The following GRID2 variants were observed in gnomAD, a reference collection of about 807,000 sequenced individuals.
GRID2 encodes the protein glutamate receptor ionotropic, delta-2.
A neutral mutation model predicts 114.8 loss-of-function variants in GRID2; 33 were observed. The ratio of observed to expected loss-of-function variants is 0.29; its 90% CI spans 0.22 to 0.38. GRID2 has a LOEUF of 0.38. Among genes scored for constraint, GRID2 ranks in the 10% least tolerant of loss-of-function variants. GRID2 has a pLI of 1.00. For synonymous variants in GRID2, 505 were observed against 449.9 expected, an observed-to-expected ratio of 1.12 and a Z score of -1.55; for missense variants, 1,184 against 1,257.7, an observed-to-expected ratio of 0.94 and a Z score of 0.89.
intron 14 of GRID2, among the ~76,000 whole-genome samples, chr4:93,679,151 T>C (rs1725240281): frequency 6.6e-6 from 1 of 151,090 alleles, no homozygotes; most frequent in South Asian, 2.1e-4. Context: ...AAACAGACTT[T>C]AAACCAACAA....
intron 2 of GRID2, among the ~76,000 whole-genome samples, chr4:92,604,950 C>T (rs539668774): frequency 5.3e-5 from 8 of 151,676 alleles, no homozygotes; most frequent in African/African-American, 1.4e-4. Context: ...GTTTCCCCCA[C>T]GCTGTTCTCC....
intron 4 of GRID2, among the ~76,000 whole-genome samples, chr4:93,119,411 A>C (rs1733575322): frequency 6.6e-6 from 1 of 152,160 alleles, no homozygotes; most frequent in Non-Finnish European, 1.5e-5. Context: ...GAAACAATAC[A>C]AAAAAATTCT....
intron 8 of GRID2, among the ~76,000 whole-genome samples, chr4:93,250,482 C>A (rs1308647099): frequency 6.6e-6 from 1 of 151,272 alleles, no homozygotes; most frequent in Non-Finnish European, 1.5e-5. Context: ...TATCCCAGAA[C>A]TTAAAGCATA....
chr4:92,894,148 C>A (rs184017988), intron 2 of GRID2, among the ~76,000 whole-genome samples: 60 of 152,184 alleles, frequency 3.9e-4, no homozygotes, highest in Middle Eastern at 3.4e-3. Context: ...ATATTTTTGT[C>A]CACATGGTAG....
At chr4:92,957,492 T>C (rs1265000691) in intron 2 of GRID2, among the ~76,000 whole-genome samples, 1 of 152,110 alleles carries the variant, frequency 6.6e-6, no homozygotes, top group Non-Finnish European at 1.5e-5. Flanking sequence ...TGGACTCTTT[T>C]CTGTTCCATT....
intron 2 of GRID2, among the ~76,000 whole-genome samples, chr4:92,992,519 CT>C: frequency 6.6e-6 from 1 of 152,122 alleles, no homozygotes; most frequent in African/African-American, 2.4e-5. Flanking sequence ...TGCAATGTAT[CT>C]TTTCCATTTT....
intron 12 of GRID2, among the ~76,000 whole-genome samples, chr4:93,507,783 C>T (rs769428229): frequency 8.5e-5 from 13 of 152,114 alleles, no homozygotes; most frequent in East Asian, 1.9e-4. Context: ...TTTTGAAATA[C>T]GTTTTTTGGT....
chr4:93,175,399 G>A (rs553305583), intron 4 of GRID2, among the ~76,000 whole-genome samples: 49 of 152,268 alleles, frequency 3.2e-4, no homozygotes, highest in African/African-American at 9.9e-4. Flanking sequence ...TCGAACTCCT[G>A]ACCTCAAGCG....
intron 14 of GRID2, among the ~76,000 whole-genome samples, chr4:93,697,925 T>A (rs997885919): frequency 1.2e-3 from 164 of 140,514 alleles, no homozygotes; most frequent in Middle Eastern, 3.5e-3. Context: ...TCCATTTTTT[T>A]AAAAAAGAAA....
intron 2 of GRID2, among the ~76,000 whole-genome samples, chr4:92,830,722 G>A (rs1181443192): frequency 3.3e-5 from 5 of 152,174 alleles, no homozygotes; most frequent in African/African-American, 1.2e-4. Flanking sequence ...TTTTTAAGTT[G>A]TTTTCTTTCT....
At chr4:93,257,022 G>A (rs1387102493) in intron 8 of GRID2, among the ~76,000 whole-genome samples, 1 of 151,502 alleles carries the variant, frequency 6.6e-6, no homozygotes, top group Non-Finnish European at 1.5e-5. Flanking sequence ...ATGCACGTGG[G>A]ACAAAAAAGA....
At position 92,727,315 on chromosome 4, in the gene GRID2, TA is replaced by T. The variant is rs75540013; in HGVS notation, c.244+137032del. Among the ~76,000 whole-genome samples, 426 of 152,192 alleles carry T rather than the reference TA, an allele frequency of 2.8e-3. 10 individuals carry two copies. The East Asian group carries it at 0.043, about 15-fold the overall frequency. On this transcript the variant is annotated intron_variant, in intron 2 of 15. Transcript: ENST00000282020. ...CAGAATAAATCTCAATATAAATTTA[TA>T]AATTTATGCAAAAACATTTTCTGTT...
chr4:93,372,605 T>G (rs1487874005), intron 8 of GRID2, among the ~76,000 whole-genome samples: 1 of 152,046 alleles, frequency 6.6e-6, no homozygotes, highest in African/African-American at 2.4e-5. Flanking sequence ...TCCTAAATGG[T>G]TTCTGTGTCT....
intron 1 of GRID2, among the ~76,000 whole-genome samples, chr4:92,327,822 T>C (rs931711464): frequency 5.3e-5 from 8 of 151,890 alleles, no homozygotes; most frequent in African/African-American, 1.7e-4. Flanking sequence ...TCCCCTCACG[T>C]AGAGAATAGA....
rs963630395 is a variant in GRID2 at position 93,437,685 on chromosome 4, TAC to T, written c.1545+14719_1545+14720del. 3.9e-5 allele frequency among the ~76,000 whole-genome samples: 6 copies of T among 152,286 alleles called. No homozygotes were observed. In the South Asian group the frequency reaches 6.2e-4, roughly 16 times the overall value. Reference sequence around the variant, plus strand: ...TTTTAGAAAGGACTGCAATATACTGTACAGTCTATATCTCACTTCCCTCTTGC... The same window carrying T: ...TTTTAGAAAGGACTGCAATATACTGTAGTCTATATCTCACTTCCCTCTTGC... On this transcript the variant is annotated intron_variant, in intron 10 of 15. Coordinates refer to ENST00000282020, the MANE Select transcript of GRID2 (RefSeq NM_001510.4).
chr4:93,776,012 A>T (rs568418370), downstream of GRID2, among the ~76,000 whole-genome samples: 6 of 152,350 alleles, frequency 3.9e-5, no homozygotes, highest in South Asian at 1.2e-3. Context: ...ATAACAAGTT[A>T]TTACTATTTT....
intron 4 of GRID2, among the ~76,000 whole-genome samples, chr4:93,192,076 C>G (rs1741037062): frequency 6.6e-6 from 1 of 152,050 alleles, no homozygotes; most frequent in Non-Finnish European, 1.5e-5. Context: ...TTCACTGGGG[C>G]TTATGTCTTA....
At chr4:92,451,784 G>A (rs976532088) in intron 1 of GRID2, among the ~76,000 whole-genome samples, 1 of 152,068 alleles carries the variant, frequency 6.6e-6, no homozygotes. Flanking sequence ...AGGCAGAAGG[G>A]TATGTTCACA....
At chr4:93,352,673 C>T (rs958956585) in intron 8 of GRID2, among the ~76,000 whole-genome samples, 3 of 151,976 alleles carry the variant, frequency 2.0e-5, no homozygotes, top group Non-Finnish European at 4.4e-5. Context: ...TGGCCTGATG[C>T]ATTCAATTTC....
Sources: allele counts gnomAD v4.1 joint callset (sites outside exome capture counted in the v4.1 genomes callset), GRCh38; gene constraint gnomAD v4.1.1; transcripts MANE v1.5; gene names NCBI Gene and HGNC (gene_info 2026-07-23, HGNC 2026-07-21).